Variants in LARGE1 observed in about 807,000 individuals in gnomAD.
LARGE1 encodes the protein LARGE xylosyl- and glucuronyltransferase 1, also known as xylosyl- and glucuronyltransferase LARGE1.
In LARGE1, 43 loss-of-function variants were observed where a neutral mutation model predicts 87.6. The observed-to-expected ratio is 0.49, with a 90% CI of 0.38 to 0.63. The LOEUF is 0.63. Among genes scored for constraint, LARGE1 ranks in the 30% least tolerant of loss-of-function variants. LARGE1 has a pLI of 0.00. For synonymous variants in LARGE1, 434 were observed against 394.6 expected, an observed-to-expected ratio of 1.10 and a Z score of -1.18; for missense variants, 802 against 1,000.2, an observed-to-expected ratio of 0.80 and a Z score of 2.67.
the LARGE1 span, among the ~76,000 whole-genome samples, chr22:33,128,817 C>G: frequency 1.3e-5 from 2 of 152,026 alleles, no homozygotes; most frequent in Admixed American, 1.3e-4. Flanking sequence ...GAGGTGAAAG[C>G]CATTAACCTC....
At chr22:33,135,548 G>A in the LARGE1 span, among the ~76,000 whole-genome samples, 4 of 152,132 alleles carry the variant, frequency 2.6e-5, no homozygotes, top group Non-Finnish European at 4.4e-5. Flanking sequence ...TAATCTAAAA[G>A]TGAGAAGCCG....
intron 1 of LARGE1, among the ~76,000 whole-genome samples, chr22:33,899,185 G>C (rs2065221316): frequency 6.6e-6 from 1 of 152,116 alleles, no homozygotes; most frequent in African/African-American, 2.4e-5. Context: ...TAACAAAATT[G>C]ATCCCAGAAC....
chr22:33,656,655 T>C (rs2080968906), intron 2 of LARGE1, among the ~76,000 whole-genome samples: 1 of 152,230 alleles, frequency 6.6e-6, no homozygotes, highest in Non-Finnish European at 1.5e-5. Flanking sequence ...TCTTTAGATA[T>C]ACACAGTCTA....
chr22:33,679,031 G>A (rs1005078917), intron 2 of LARGE1, among the ~76,000 whole-genome samples: 4 of 152,196 alleles, frequency 2.6e-5, no homozygotes, highest in Admixed American at 6.5e-5. Flanking sequence ...TAGCGGTGGG[G>A]ACCCCAGAAT....
At chr22:33,742,876 T>C (rs1233513157) in intron 2 of LARGE1, among the ~76,000 whole-genome samples, 2 of 152,114 alleles carry the variant, frequency 1.3e-5, no homozygotes, top group Non-Finnish European at 2.9e-5. Flanking sequence ...CAACACCCAG[T>C]GATAAAGTCT....
intron 2 of LARGE1, among the ~76,000 whole-genome samples, chr22:33,713,967 ATAACG>A (rs1294614589): frequency 3.6e-5 from 4 of 110,314 alleles, no homozygotes; most frequent in African/African-American, 1.1e-4. Context: ...GAAAAAGTAA[ATAACG>A]TAACATAACG....
intron 10 of LARGE1, among the ~76,000 whole-genome samples, chr22:33,326,757 A>G (rs1937279422): frequency 6.6e-6 from 1 of 152,170 alleles, no homozygotes; most frequent in African/African-American, 2.4e-5. Context: ...AGGGCCGAAC[A>G]CCTGGCAAGT....
chr22:33,689,145 GTCTCTC>G (rs3072287), intron 2 of LARGE1, among the ~76,000 whole-genome samples: 7 of 147,616 alleles, frequency 4.7e-5, no homozygotes, highest in Admixed American at 2.0e-4. Flanking sequence ...CAAATTTACT[GTCTCTC>G]TCTCTCTCTC....
chr22:33,437,042 C>T (rs1051514807), intron 6 of LARGE1, among the ~76,000 whole-genome samples: 1 of 152,114 alleles, frequency 6.6e-6, no homozygotes, highest in Non-Finnish European at 1.5e-5. Flanking sequence ...TATATTAATT[C>T]CCTCACTCCA....
intron 1 of LARGE1, among the ~76,000 whole-genome samples, chr22:33,891,280 T>C (rs555888731): frequency 6.6e-6 from 1 of 152,248 alleles, no homozygotes; most frequent in African/African-American, 2.4e-5. Context: ...TTGTTTTATA[T>C]GAATTAGTCC....
At chr22:33,387,825 C>A (rs1234911643) in intron 7 of LARGE1, among the ~76,000 whole-genome samples, 2 of 152,082 alleles carry the variant, frequency 1.3e-5, no homozygotes, top group Non-Finnish European at 2.9e-5. Context: ...TAGAAAAGCA[C>A]ACAAACTAAT....
At chr22:33,755,794 G>A (rs1348133023) in intron 2 of LARGE1, among the ~76,000 whole-genome samples, 5 of 152,228 alleles carry the variant, frequency 3.3e-5, no homozygotes, top group African/African-American at 1.2e-4. Context: ...CACATTAGGA[G>A]CGAGTGCTCA....
At chr22:33,584,648 C>T (rs1427801026) in intron 5 of LARGE1, among the ~76,000 whole-genome samples, 2 of 151,256 alleles carry the variant, frequency 1.3e-5, no homozygotes, top group African/African-American at 4.9e-5. Context: ...TCAGGTTTTC[C>T]AAGCCAGCTG....
the LARGE1 span, among the ~76,000 whole-genome samples, chr22:33,136,271 G>A: frequency 4.6e-5 from 7 of 152,286 alleles, no homozygotes; most frequent in South Asian, 4.1e-4. Context: ...GCAGACTCAC[G>A]GTTCCACATG....
At chr22:33,449,683 C>T (rs1463276474) in intron 6 of LARGE1, among the ~76,000 whole-genome samples, 1 of 152,212 alleles carries the variant, frequency 6.6e-6, no homozygotes, top group Admixed American at 6.5e-5. Flanking sequence ...GTTAGGCTGC[C>T]TGGTATATAT....
the LARGE1 span, among the ~76,000 whole-genome samples, chr22:33,143,432 T>C: frequency 1.3e-5 from 2 of 152,172 alleles, no homozygotes; most frequent in Non-Finnish European, 2.9e-5. Flanking sequence ...GATATATCAG[T>C]AATAGGACAG....
At position 33,274,379 on chromosome 22, in the gene LARGE1, G is replaced by T. The variant is rs1928737023; in HGVS notation, c.*48C>A. 3.8e-6 allele frequency: 6 copies of T among 1,579,930 alleles called. No homozygotes were observed. The East Asian group carries it at 1.3e-4, about 35-fold the overall frequency. ...GAAGGCCGGGCCCCAAACAGCGAGT[G>T]GCACTTCCCCTACAGCATGTCTCCC... On this transcript the variant is annotated 3_prime_UTR_variant, in exon 15 of 15. Coordinates refer to ENST00000397394, the MANE Select transcript of LARGE1 (RefSeq NM_133642.5).
At chr22:33,256,382 C>G (rs1422034354) in intron 11 of LARGE1, among the ~76,000 whole-genome samples, 1 of 152,122 alleles carries the variant, frequency 6.6e-6, no homozygotes, top group African/African-American at 2.4e-5. Flanking sequence ...GAAATGGGCA[C>G]CAGGAGTGTG....
chr22:33,367,760 T>G (rs113956321), intron 9 of LARGE1, among the ~76,000 whole-genome samples: 1,779 of 152,306 alleles, frequency 0.012, 22 homozygotes, highest in African/African-American at 0.035. Flanking sequence ...TATATCATCT[T>G]GAGTTGCAAA....
Sources: gnomAD v4.1 joint callset for allele counts (sites outside exome capture counted in the v4.1 genomes callset) on GRCh38, gnomAD v4.1.1 for gene constraint, MANE v1.5 for transcripts, NCBI Gene and HGNC (gene_info 2026-07-23, HGNC 2026-07-21) for gene names.